The following GAL3ST1 variants were observed in gnomAD, a reference collection of about 807,000 sequenced individuals.
GAL3ST1 encodes galactose-3-O-sulfotransferase 1, also known as galactosylceramide sulfotransferase.
Under a neutral mutation model 25.0 loss-of-function variants are expected in GAL3ST1, and 13 were observed. That is an observed-to-expected ratio of 0.52 (90% confidence interval 0.34 to 0.83). The LOEUF (loss-of-function observed/expected upper bound fraction) is 0.83. Ranked by LOEUF, GAL3ST1 falls within the 40% of genes least tolerant of loss-of-function variation. The pLI is 0.02. For synonymous variants in GAL3ST1, 274 were observed against 277.8 expected, an observed-to-expected ratio of 0.99 and a Z score of 0.14; for missense variants, 474 against 613.6, an observed-to-expected ratio of 0.77 and a Z score of 2.40.
intron 2 of GAL3ST1, chr22:30,557,631 A>C: frequency 2.1e-6 from 1 of 466,864 alleles, no homozygotes; most frequent in South Asian, 4.5e-5. Context: ...GAGGTTGGGG[A>C]ATGGGGCAGG....
At chr22:30,564,087 A>AAG (rs1489714746) in intron 1 of GAL3ST1, among the ~76,000 whole-genome samples, 1 of 152,230 alleles carries the variant, frequency 6.6e-6, no homozygotes, top group African/African-American at 2.4e-5. Context: ...GGTCCCAAGC[A>AAG]TTTCGGATAA....
In GAL3ST1 at chr22:30,555,642, C is replaced by T; in HGVS notation, c.583G>A (p.Glu195Lys). The change falls in exon 4 of 4, where the codon GAG becomes AAG. Residue 195 changes from glutamate to lysine, a missense_variant. Transcript: ENST00000406361. This position sits in a 1 kb window ranked among gnomAD's most constrained non-coding sequence, Gnocchi z 8.6. ...TAGCGATCCGGGTCTTGCAGGAACT[C>T]GGTCAGCTTGTCGCCGGCCGAGAGC... ...WKLSAGDKLT[E>K]FLQDPDRYYD... 2 of 1,613,658 alleles carry T rather than the reference C, an allele frequency of 1.2e-6. No individual in the cohort carries two copies. The highest frequency in any genetic ancestry group is 2.2e-5 in the East Asian group (1 of 44,862).
At chr22:30,564,378 G>C (rs1416110862) in intron 1 of GAL3ST1, among the ~76,000 whole-genome samples, 1 of 152,234 alleles carries the variant, frequency 6.6e-6, no homozygotes, top group African/African-American at 2.4e-5. Flanking sequence ...AGGGTCAGAA[G>C]ACAAAGAGGC....
At chr22:30,569,048 C>A (rs1461759689) in intron 1 of GAL3ST1, among the ~76,000 whole-genome samples, 2 of 146,358 alleles carry the variant, frequency 1.4e-5, no homozygotes, top group Non-Finnish European at 3.0e-5. Context: ...TGCACTCCAG[C>A]CTGGGCAACA....
intron 1 of GAL3ST1, among the ~76,000 whole-genome samples, chr22:30,561,815 G>A (rs2044519277): frequency 6.6e-6 from 1 of 152,200 alleles, no homozygotes; most frequent in African/African-American, 2.4e-5. Flanking sequence ...CCACCTGAGG[G>A]GTCCAAGGCT....
intron 1 of GAL3ST1, among the ~76,000 whole-genome samples, chr22:30,573,224 C>A (rs557851461): frequency 6.6e-6 from 1 of 152,184 alleles, no homozygotes; most frequent in African/African-American, 2.4e-5. Context: ...TTTGGGGCAG[C>A]CCAGGCAGAT....
chr22:30,566,848 A>G (rs1439398158), intron 1 of GAL3ST1, among the ~76,000 whole-genome samples: 1 of 152,154 alleles, frequency 6.6e-6, no homozygotes, highest in East Asian at 1.9e-4. Flanking sequence ...TGACCTCATG[A>G]TCTGCCCACC....
intron 1 of GAL3ST1, among the ~76,000 whole-genome samples, chr22:30,562,739 A>G (rs1384616535): frequency 1.3e-5 from 2 of 152,240 alleles, no homozygotes; most frequent in Non-Finnish European, 2.9e-5. Context: ...GGATGAGGAC[A>G]TGGTCCAGGC....
Position 30,574,268 on chromosome 22 carries a change from C to T in GAL3ST1, c.-120+198G>A, listed in dbSNP as rs534349328. ...AGGGCATGGGGGGCACCAACCTGTG[C>T]CCTCCCTGGCCCCTACCAGGCCACC... On this transcript the variant is annotated intron_variant, in intron 1 of 3. Coordinates refer to ENST00000406361, the MANE Select transcript of GAL3ST1 (RefSeq NM_001318104.2). Among the ~76,000 whole-genome samples, 28 of 152,266 alleles carry T rather than the reference C, an allele frequency of 1.8e-4. No homozygotes were observed. In the East Asian group the frequency reaches 4.6e-3, roughly 25 times the overall value.
intron 1 of GAL3ST1, among the ~76,000 whole-genome samples, chr22:30,573,810 A>G (rs1158608669): frequency 2.0e-5 from 3 of 152,112 alleles, no homozygotes; most frequent in Non-Finnish European, 4.4e-5. Context: ...GCTGGTACCA[A>G]AATGCTGGCC....
intron 1 of GAL3ST1, among the ~76,000 whole-genome samples, chr22:30,573,638 C>T (rs886084113): frequency 1.3e-5 from 2 of 152,238 alleles, no homozygotes; most frequent in Admixed American, 6.5e-5. Flanking sequence ...CACCTGTCAC[C>T]GCGGCAGCCC....
chr22:30,559,449 C>T lies in GAL3ST1; in HGVS notation c.-119-1061G>A, dbSNP rs2086250084. Among the ~76,000 whole-genome samples the T allele has an allele frequency of 2.0e-5, 3 of 152,134 alleles. 1 individual carries two copies. In the South Asian group the frequency reaches 6.2e-4, roughly 32 times the overall value. On this transcript the variant is annotated intron_variant, in intron 1 of 3. Coordinates refer to ENST00000406361, the MANE Select transcript of GAL3ST1 (RefSeq NM_001318104.2). Reference sequence around the variant, plus strand: ...AGAGATGGAGTTTCACCATGTTGGCCAGGATCATCTTGATCTCCTGACCTT... The same window carrying T: ...AGAGATGGAGTTTCACCATGTTGGCTAGGATCATCTTGATCTCCTGACCTT...
rs781170292 is a variant in GAL3ST1 at position 30,554,970 on chromosome 22, C to A, written c.1255G>T (p.Asp419Tyr). 1.9e-6 allele frequency: 3 copies of A among 1,578,838 alleles called. No individual in the cohort carries two copies. The highest frequency in any genetic ancestry group is 2.3e-5 in the East Asian group (1 of 44,072). Residue 419 changes from aspartate (D) to tyrosine (Y), a missense_variant, in exon 4 of 4, where the codon GAT becomes TAT. Asp to Tyr is a radical substitution (Grantham distance 160, BLOSUM62 -3). This residue lies in a region of GAL3ST1 where 359 missense variants were observed against 504.4 expected (regional missense o/e 0.71). Coordinates refer to ENST00000406361, the MANE Select transcript of GAL3ST1 (RefSeq NM_001318104.2). ...WVTKLWKFIR[D>Y]FLRW Reference sequence around the variant, plus strand: ...GTGGGACGTCACCACCGCAGGAAATCGCGAATGAACTTCCAGAGCTTGGTG... The same window carrying A: ...GTGGGACGTCACCACCGCAGGAAATAGCGAATGAACTTCCAGAGCTTGGTG...
Position 30,554,815 on chromosome 22 carries a change from T to TC in GAL3ST1, c.*137dup, listed in dbSNP as rs1050062276. On this transcript the variant is annotated 3_prime_UTR_variant, in exon 4 of 4. Coordinates refer to ENST00000406361, the MANE Select transcript of GAL3ST1 (RefSeq NM_001318104.2). ...ATGGGCCCAGTCTTGGCTGGCTGCC[T>TC]CCCCCCAGGGAGCCCCCCCTCACCC... 2.4e-5 allele frequency: 15 copies of TC among 617,628 alleles called. 1 individual carries two copies. The Admixed American group carries it at 2.6e-4, about 11-fold the overall frequency. 38.3% of individuals were successfully genotyped at this position (617,628 alleles called of 1,614,324 possible).
rs1173369242 is a variant in GAL3ST1, at chr22:30,554,834, CT to C, written c.*118del. 2 of 770,492 alleles carry C rather than the reference CT, an allele frequency of 2.6e-6. No individual in the cohort carries two copies. The highest frequency in any genetic ancestry group is 3.6e-5 in the African/African-American group (2 of 56,002). The allele number at this position is 770,492 out of a possible 1,614,324, so 47.7% of individuals were successfully genotyped here. A position where few individuals can be genotyped will look rare whatever the true frequency, so the allele number is the denominator to read the frequency against. On this transcript the variant is annotated 3_prime_UTR_variant, in exon 4 of 4. Coordinates refer to ENST00000406361, the MANE Select transcript of GAL3ST1 (RefSeq NM_001318104.2). ...GCTGCCTCCCCCCAGGGAGCCCCCC[CT>C]CACCCCGGGGTCTGAGGTGGCACCA...
intron 1 of GAL3ST1, chr22:30,572,857 C>G (rs1189259259): frequency 6.6e-6 from 1 of 152,292 alleles, no homozygotes; most frequent in Non-Finnish European, 1.5e-5. Context: ...GCCCAGAATT[C>G]CATTTGTGCA....
chr22:30,556,545 A>C (rs1465371864), intron 3 of GAL3ST1, among the ~76,000 whole-genome samples: 1 of 152,100 alleles, frequency 6.6e-6, no homozygotes, highest in Non-Finnish European at 1.5e-5. Context: ...CCCCATGAGG[A>C]AACGGGAGAG....
At chr22:30,557,754 A>C in intron 2 of GAL3ST1, 1 of 185,904 alleles carries the variant, frequency 5.4e-6, no homozygotes, top group Non-Finnish European at 1.1e-5. Flanking sequence ...AAAAAGAAAC[A>C]GAAGAAAAAA....
In GAL3ST1 at chr22:30,556,054, G is replaced by A. The variant is rs147875335; in HGVS notation, c.171C>T (p.Leu57=). 5.0e-6 allele frequency: 8 copies of A among 1,611,610 alleles called. No homozygotes were observed. Among genetic ancestry groups the A allele is most frequent in the African/African-American group, 2.7e-5 (2 of 75,052 alleles). ...TGGCCCGGATCACTGCCTCTGGCTC[G>A]AGTGCAGGTGGAGAGCAGGACGCTG... ...EAAASCSPPA[L]EPEAVIRANG... is the part of the protein sequence containing the mutation. Residue 57 remains leucine (L), a synonymous_variant, in exon 4 of 4, where the codon CTC becomes CTT. Transcript: ENST00000406361.
Sources: gnomAD v4.1 joint callset for allele counts (sites outside exome capture counted in the v4.1 genomes callset) on GRCh38, gnomAD v4.1.1 for gene constraint, gnomAD v4.1.1 regional missense constraint, Gnocchi (gnomAD v3.1) non-coding constraint, MANE v1.5 for transcripts, NCBI Gene and HGNC (gene_info 2026-07-23, HGNC 2026-07-21) for gene names.